ACSL1: variants seen among roughly 807,000 people sequenced by gnomAD.
ACSL1 encodes the protein long-chain-fatty-acid--CoA ligase 1.
Under a neutral mutation model 98.4 loss-of-function variants are expected in ACSL1, and 41 were observed. That is an observed-to-expected ratio of 0.42 (90% confidence interval 0.32 to 0.54). The LOEUF is 0.54. ACSL1 is among the 20% of genes least tolerant of loss of function. The pLI, the probability that ACSL1 is intolerant of heterozygous loss-of-function variation, is 0.13. For missense variants in ACSL1, 734 were observed against 883.1 expected, an observed-to-expected ratio of 0.83 and a Z score of 2.14; for synonymous variants, 316 against 322.7, an observed-to-expected ratio of 0.98 and a Z score of 0.22.
chr4:184,812,162 C>A (rs918929481), intron 1 of ACSL1: 16 of 984,164 alleles, frequency 1.6e-5, no homozygotes, highest in Non-Finnish European at 1.8e-5. Context: ...ACACTTACAG[C>A]GAATGGTACT....
intron 1 of ACSL1, among the ~76,000 whole-genome samples, chr4:184,810,798 C>G (rs1221088619): frequency 6.6e-6 from 1 of 152,152 alleles, no homozygotes; most frequent in Non-Finnish European, 1.5e-5. Flanking sequence ...TTGTTAGGAG[C>G]CACTGTGCTT....
intron 1 of ACSL1, among the ~76,000 whole-genome samples, chr4:184,816,313 C>T (rs1000054049): frequency 6.6e-6 from 1 of 152,038 alleles, no homozygotes; most frequent in Non-Finnish European, 1.5e-5. Flanking sequence ...CAGGATTTAG[C>T]TCATCGTATT....
intron 1 of ACSL1, chr4:184,813,889 A>T: frequency 2.2e-6 from 1 of 456,118 alleles, no homozygotes; most frequent in Non-Finnish European, 4.4e-6. Context: ...CACTTGTTTG[A>T]GAAACTGCAC....
At chr4:184,802,420 C>A (rs1207083720) in intron 2 of ACSL1, among the ~76,000 whole-genome samples, 1 of 152,088 alleles carries the variant, frequency 6.6e-6, no homozygotes, top group Non-Finnish European at 1.5e-5. Flanking sequence ...ATGGGGGGAT[C>A]TTGTGTTTCA....
At chr4:184,812,378 A>G (rs1237504879) in intron 1 of ACSL1, 1 of 275,980 alleles carries the variant, frequency 3.6e-6, no homozygotes, top group Non-Finnish European at 5.5e-6. Flanking sequence ...CCTTGAGGAT[A>G]TATTCATAGA....
At chr4:184,817,634 C>T (rs1051355749) in intron 1 of ACSL1, among the ~76,000 whole-genome samples, 1 of 152,146 alleles carries the variant, frequency 6.6e-6, no homozygotes, top group Non-Finnish European at 1.5e-5. Context: ...CGTGCCACAC[C>T]TGGGAGGCAG....
At chr4:184,811,979 G>A (rs559789655) in intron 1 of ACSL1, among the ~76,000 whole-genome samples, 19 of 152,180 alleles carry the variant, frequency 1.2e-4, no homozygotes, top group African/African-American at 3.9e-4. Context: ...GTGAGCAACC[G>A]GCCCAACCTT....
intron 3 of ACSL1, 32 bp downstream of exon 3, chr4:184,788,585 C>T (rs761250112): frequency 1.5e-5 from 23 of 1,538,304 alleles, no homozygotes; most frequent in African/African-American, 1.4e-5. Flanking sequence ...ACACGGCGAG[C>T]GGGAGCCACG....
Position 184,780,312 on chromosome 4 carries a change from A to C in ACSL1, c.477+20T>G. On this transcript the variant is annotated intron_variant, in intron 5 of 20. Coordinates refer to ENST00000281455, the MANE Select transcript of ACSL1 (RefSeq NM_001995.5). Reference sequence around the variant, plus strand: ...GAGAATTCTCAAAATCATGCATAGCAAGTACCTACTGGTTCATACCTCAGG... The same window carrying C: ...GAGAATTCTCAAAATCATGCATAGCCAGTACCTACTGGTTCATACCTCAGG... The C allele has an allele frequency of 6.3e-7, 1 of 1,596,718 alleles. No homozygotes were observed.
chr4:184,759,905 T>A (rs898223526), intron 18 of ACSL1, among the ~76,000 whole-genome samples: 5 of 152,242 alleles, frequency 3.3e-5, no homozygotes, highest in African/African-American at 1.2e-4. Flanking sequence ...CATACATGTT[T>A]CACTGCAATA....
intron 2 of ACSL1, among the ~76,000 whole-genome samples, chr4:184,801,453 G>GC (rs1770506018): frequency 6.6e-6 from 1 of 152,122 alleles, no homozygotes; most frequent in African/African-American, 2.4e-5. Context: ...CCGGCCACCA[G>GC]CCCCCCGCAG....
chr4:184,763,239 C>G lies in ACSL1; in HGVS notation c.1449G>C (p.Pro483=). ...GDWTAGHVGA[P]MPCNLIKLVD... ...CAAGTTTTATCAAATTGCACGGCATCGGGGCCCCAACATGGCCTGTATATT... is the reference window on the plus strand; with the variant it reads ...CAAGTTTTATCAAATTGCACGGCATGGGGGCCCCAACATGGCCTGTATATT... Residue 483 remains proline, a synonymous_variant, in exon 16 of 21, where the codon CCG becomes CCC. Coordinates refer to ENST00000281455, the MANE Select transcript of ACSL1 (RefSeq NM_001995.5). 6.2e-7 allele frequency: 1 copy of G among 1,614,000 alleles called. No individual in the cohort carries two copies. Among genetic ancestry groups the G allele is most frequent in the Non-Finnish European group, 8.5e-7 (1 of 1,179,978 alleles).
chr4:184,794,183 A>G (rs888901724), intron 2 of ACSL1, among the ~76,000 whole-genome samples: 1 of 150,826 alleles, frequency 6.6e-6, no homozygotes, highest in Non-Finnish European at 1.5e-5. Context: ...TCAGAACTCC[A>G]TCATGTGCTT....
intron 2 of ACSL1, among the ~76,000 whole-genome samples, chr4:184,791,221 G>A (rs1424877772): frequency 6.6e-6 from 1 of 152,232 alleles, no homozygotes; most frequent in African/African-American, 2.4e-5. Flanking sequence ...ACTCTGCAGA[G>A]GAGTTCCCCT....
At chr4:184,796,975 C>T (rs1769498245) in intron 2 of ACSL1, among the ~76,000 whole-genome samples, 1 of 152,216 alleles carries the variant, frequency 6.6e-6, no homozygotes, top group African/African-American at 2.4e-5. Context: ...CTGACTGTGA[C>T]AGACCTTCTT....
intron 1 of ACSL1, among the ~76,000 whole-genome samples, chr4:184,823,874 A>C (rs1773256350): frequency 6.6e-6 from 1 of 152,204 alleles, no homozygotes; most frequent in African/African-American, 2.4e-5. Flanking sequence ...ATGCTGGTAC[A>C]CTTTCAGTTA....
intron 7 of ACSL1, among the ~76,000 whole-genome samples, chr4:184,776,178 A>C (rs576181552): frequency 6.6e-6 from 1 of 152,366 alleles, no homozygotes; most frequent in South Asian, 2.1e-4. Flanking sequence ...AGAAACTGAA[A>C]GTTCCACCTG....
Position 184,763,203 on chromosome 4 carries a change from T to A in ACSL1, c.1485A>T (p.Glu495Asp). ...CCTCGGCAGCCATGTAATTCATTTC[T>A]TCCACATCAACAAGTTTTATCAAAT... ...PCNLIKLVDV[E>D]EMNYMAAEGE... The change falls in exon 16 of 21, where the codon GAA (glutamate) becomes GAT (aspartate). Residue 495 changes from glutamate (E) to aspartate (D), a missense_variant. Physicochemically the swap from Glu to Asp is conservative, Grantham distance 45. Coordinates refer to ENST00000281455, the MANE Select transcript of ACSL1 (RefSeq NM_001995.5). The A allele has an allele frequency of 6.2e-7, 1 of 1,614,120 alleles. No homozygotes were observed.
chr4:184,806,153 C>A (rs572195316), intron 1 of ACSL1, among the ~76,000 whole-genome samples: 1 of 152,162 alleles, frequency 6.6e-6, no homozygotes, highest in Non-Finnish European at 1.5e-5. Context: ...GGCTAACCTT[C>A]TAGCAGGGAA....
Sources: gnomAD v4.1 joint callset for allele counts (sites outside exome capture counted in the v4.1 genomes callset) on GRCh38, gnomAD v4.1.1 for gene constraint, MANE v1.5 for transcripts, NCBI Gene and HGNC (gene_info 2026-07-23, HGNC 2026-07-21) for gene names.